The following NEK11 variants were observed in gnomAD, a reference collection of about 807,000 sequenced individuals.
The protein encoded by NEK11 is NIMA related kinase 11, also known as serine/threonine-protein kinase Nek11.
NEK11 carries 72 observed loss-of-function variants against 80.7 expected under a neutral mutation model. That is an observed-to-expected ratio of 0.89 (90% CI 0.74 to 1.08). The LOEUF (loss-of-function observed/expected upper bound fraction) is 1.08. NEK11 is among the 50% of genes least tolerant of loss of function. The probability of loss-of-function intolerance (pLI) is 0.00; values close to 1 mark genes in which losing one functional copy is unlikely to be tolerated. For missense variants in NEK11, 764 were observed against 763.6 expected (o/e 1.00, Z -0.01); for synonymous variants, 251 against 260.7 (o/e 0.96, Z 0.36).
intron 4 of NEK11, among the ~76,000 whole-genome samples, chr3:131,097,231 G>T (rs542012292): frequency 6.6e-6 from 1 of 151,400 alleles, no homozygotes; most frequent in African/African-American, 2.4e-5. Context: ...ATGATTTATA[G>T]TCCTTTGGGT....
chr3:131,349,215 T>G (rs2097415907), intron 17 of NEK11, among the ~76,000 whole-genome samples: 1 of 152,176 alleles, frequency 6.6e-6, no homozygotes, highest in South Asian at 2.1e-4. Flanking sequence ...CCATCTGATA[T>G]CTTATGTGTA....
intron 4 of NEK11, among the ~76,000 whole-genome samples, chr3:131,087,242 T>G: frequency 7.0e-6 from 1 of 142,246 alleles, no homozygotes; most frequent in African/African-American, 2.6e-5. Context: ...ATTCTTTTTT[T>G]TTTTTTTTTT....
chr3:131,110,031 A>G (rs1402578990), intron 5 of NEK11, 110 bp downstream of exon 5: 6 of 1,091,064 alleles, frequency 5.5e-6, no homozygotes, highest in Middle Eastern at 3.0e-4. Flanking sequence ...CAAAAGGTAT[A>G]TGGCTAAAAT....
intron 5 of NEK11, among the ~76,000 whole-genome samples, chr3:131,128,269 A>G (rs1020515087): frequency 6.6e-6 from 1 of 152,174 alleles, no homozygotes; most frequent in African/African-American, 2.4e-5. Context: ...TTAGTATCAT[A>G]AAGTTGTTGC....
chr3:131,121,504 C>A (rs1435477611), intron 5 of NEK11, among the ~76,000 whole-genome samples: 1 of 152,196 alleles, frequency 6.6e-6, no homozygotes, highest in Non-Finnish European at 1.5e-5. Flanking sequence ...CCACTGCTCT[C>A]TTTAAAGCTA....
At chr3:131,244,372 T>TA (rs1168278175) in intron 16 of NEK11, among the ~76,000 whole-genome samples, 1 of 152,150 alleles carries the variant, frequency 6.6e-6, no homozygotes, top group Non-Finnish European at 1.5e-5. Context: ...GTATATCAAA[T>TA]ACACTTATTT....
intron 16 of NEK11, among the ~76,000 whole-genome samples, chr3:131,246,541 A>C (rs1475652935): frequency 2.0e-5 from 3 of 152,096 alleles, no homozygotes; most frequent in Non-Finnish European, 4.4e-5. Flanking sequence ...GGCTGGTTCC[A>C]TATTTTTGCA....
chr3:131,335,596 T>C lies in NEK11; in HGVS notation c.1719-13961T>C, dbSNP rs553102462. 9.2e-5 allele frequency among the ~76,000 whole-genome samples: 14 copies of C among 152,204 alleles called. No homozygotes were observed. The South Asian group carries it at 2.5e-3, about 27-fold the overall frequency. On this transcript the variant is annotated intron_variant, in intron 17 of 17. Coordinates refer to ENST00000383366, the MANE Select transcript of NEK11 (RefSeq NM_024800.5). ...CCTCTCTCACCACTCCTATTCAACA[T>C]AGTGTTGGACGTTCTGGCCAGGGCA... is the stretch of plus-strand genomic sequence containing the variant.
At chr3:131,052,967 C>G (rs1242524107) in intron 3 of NEK11, among the ~76,000 whole-genome samples, 1 of 152,120 alleles carries the variant, frequency 6.6e-6, no homozygotes, top group Non-Finnish European at 1.5e-5. Flanking sequence ...CTGGATGTAG[C>G]AAGCAGCATT....
chr3:131,312,813 C>T (rs751678841), intron 17 of NEK11, among the ~76,000 whole-genome samples: 4 of 152,040 alleles, frequency 2.6e-5, no homozygotes, highest in Non-Finnish European at 4.4e-5. Context: ...GGGAAGTAGA[C>T]AAAAGTTTTT....
At chr3:131,198,545 C>G (rs1331848415) in intron 14 of NEK11, among the ~76,000 whole-genome samples, 3 of 152,102 alleles carry the variant, frequency 2.0e-5, no homozygotes, top group Non-Finnish European at 2.9e-5. Context: ...AGATCTCTTC[C>G]CTGTATCATT....
chr3:131,228,657 G>A lies in NEK11; in HGVS notation c.1529G>A (p.Gly510Glu). The change falls in exon 15 of 18, where the codon GGA (glycine) becomes GAA (glutamate). Residue 510 changes from glycine to glutamate, a missense_variant. By Grantham distance (98) the Gly-to-Glu change is moderately conservative. Coordinates refer to ENST00000383366, the MANE Select transcript of NEK11 (RefSeq NM_024800.5). ...ERPEKEIRNE[G>E]SQPAYRTNQQ... ...CCAGAGAAAGAAATCAGGAATGAGG[G>A]ATCCCAGCCTGCTTACAGAACAAAC... 1 of 1,613,378 alleles carries A rather than the reference G, an allele frequency of 6.2e-7. No individual in the cohort carries two copies. Among genetic ancestry groups the A allele is most frequent in the Non-Finnish European group, 8.5e-7 (1 of 1,179,590 alleles).
intron 17 of NEK11, among the ~76,000 whole-genome samples, chr3:131,339,773 C>T (rs116297470): frequency 0.019 from 2,902 of 152,254 alleles, 45 homozygotes; most frequent in East Asian, 0.087. Context: ...GTGGCAAGAT[C>T]CCTCTCCTGT....
chr3:131,049,894 T>G (rs1170572215), intron 3 of NEK11, among the ~76,000 whole-genome samples: 2 of 152,154 alleles, frequency 1.3e-5, no homozygotes, highest in East Asian at 3.8e-4. Context: ...AAAAAAGTTG[T>G]TGCTTGTGAC....
chr3:131,247,065 G>T (rs1317823052), intron 16 of NEK11, among the ~76,000 whole-genome samples: 4 of 151,996 alleles, frequency 2.6e-5, no homozygotes, highest in African/African-American at 7.2e-5. Flanking sequence ...CCACTCTGTG[G>T]GTTGTCTGTT....
chr3:131,274,976 CCATT>C (rs1296815685), intron 17 of NEK11, among the ~76,000 whole-genome samples: 3 of 152,110 alleles, frequency 2.0e-5, no homozygotes, highest in Non-Finnish European at 4.4e-5. Flanking sequence ...TTAATGATTG[CCATT>C]CTAACTGGTG....
chr3:131,180,819 G>A (rs1231257762), intron 14 of NEK11, among the ~76,000 whole-genome samples: 1 of 152,158 alleles, frequency 6.6e-6, no homozygotes, highest in Non-Finnish European at 1.5e-5. Flanking sequence ...TGCAATATAT[G>A]TGAGGCATTT....
At chr3:131,275,069 T>C (rs1322341089) in intron 17 of NEK11, among the ~76,000 whole-genome samples, 1 of 152,202 alleles carries the variant, frequency 6.6e-6, no homozygotes, top group Non-Finnish European at 1.5e-5. Flanking sequence ...ATGTGTTTTT[T>C]TGGCTGCATA....
intron 17 of NEK11, among the ~76,000 whole-genome samples, chr3:131,297,268 A>G (rs1228100127): frequency 6.6e-6 from 1 of 152,108 alleles, no homozygotes; most frequent in Admixed American, 6.5e-5. Flanking sequence ...ACTAGTTTAC[A>G]GTCCCACCAA....
Sources: gnomAD v4.1 joint callset for allele counts (sites outside exome capture counted in the v4.1 genomes callset) on GRCh38, gnomAD v4.1.1 for gene constraint, MANE v1.5 for transcripts, NCBI Gene and HGNC (gene_info 2026-07-23, HGNC 2026-07-21) for gene names.